GCNT2: variants seen among roughly 807,000 people sequenced by gnomAD.
The protein encoded by GCNT2 is N-acetyllactosaminide beta-1,6-N-acetylglucosaminyl-transferase.
GCNT2 carries 34 observed loss-of-function variants against 34.2 expected under a neutral mutation model. The ratio of observed to expected loss-of-function variants is 1.00; its 90% confidence interval spans 0.76 to 1.32. GCNT2 has a LOEUF of 1.32. GCNT2 is among the 40% of genes most tolerant of loss of function. GCNT2 has a pLI of 0.00. For synonymous variants in GCNT2, 212 were observed against 188.0 expected (o/e 1.13, Z -1.04); for missense variants, 584 against 489.4 (o/e 1.19, Z -1.82).
At chr6:10,572,402 G>A (rs920178365) in intron 3 of GCNT2, among the ~76,000 whole-genome samples, 4 of 152,142 alleles carry the variant, frequency 2.6e-5, no homozygotes, top group South Asian at 2.1e-4. Flanking sequence ...TGAGGAGAGA[G>A]TATAGAGTTT....
intron 1 of GCNT2, among the ~76,000 whole-genome samples, chr6:10,524,844 AAAG>A (rs1278464557): frequency 1.4e-5 from 2 of 139,034 alleles, no homozygotes; most frequent in African/African-American, 5.3e-5. Flanking sequence ...CCCCCAAAAA[AAAG>A]AAAAGGAAAG....
intron 3 of GCNT2, among the ~76,000 whole-genome samples, chr6:10,569,736 TCTAA>T (rs1256417030): frequency 6.6e-6 from 1 of 152,198 alleles, no homozygotes; most frequent in African/African-American, 2.4e-5. Context: ...TAACTGCTCT[TCTAA>T]CTAACCATTT....
rs532972840 is a variant in GCNT2, at chr6:10,627,716, C to G, written c.*1109C>G. On this transcript the variant is annotated 3_prime_UTR_variant, in exon 5 of 5. Coordinates refer to ENST00000495262, the MANE Select transcript of GCNT2 (RefSeq NM_145649.5). ...ATAAGAGCTTTTTCACTCTAAAAATCTTGGCAATAATGTCAACACCAGAAA... is the reference window on the plus strand; with the variant it reads ...ATAAGAGCTTTTTCACTCTAAAAATGTTGGCAATAATGTCAACACCAGAAA... 3 of 152,302 alleles carry G rather than the reference C, an allele frequency of 2.0e-5. No homozygotes were observed. In the South Asian group the frequency reaches 6.2e-4, roughly 32 times the overall value. The allele number at this position is 152,302 out of a possible 1,614,324, so 9.4% of individuals were successfully genotyped here.
At chr6:10,557,428 TAGA>T in intron 3 of GCNT2, 1 of 1,036,256 alleles carries the variant, frequency 9.7e-7, no homozygotes, top group Non-Finnish European at 1.5e-6. Context: ...TATTAGGAAG[TAGA>T]AGATGAAAAC....
At chr6:10,525,573 A>G (rs1398062097) in intron 1 of GCNT2, among the ~76,000 whole-genome samples, 1 of 152,226 alleles carries the variant, frequency 6.6e-6, no homozygotes, top group Non-Finnish European at 1.5e-5. Context: ...AGCGTGTCCC[A>G]TGTGCCTACC....
chr6:10,535,035 T>A (rs2113545700), intron 3 of GCNT2, among the ~76,000 whole-genome samples: 1 of 151,950 alleles, frequency 6.6e-6, no homozygotes, highest in African/African-American at 2.4e-5. Flanking sequence ...AATGCAAAAA[T>A]TAACCGGGTG....
chr6:10,585,619 G>A lies in GCNT2; in HGVS notation c.926-35732G>A, dbSNP rs146212533. 1,072 of 313,890 alleles carry A rather than the reference G, an allele frequency of 3.4e-3. 10 individuals are homozygous for A. The highest frequency in any genetic ancestry group is 0.02 in the African/African-American group (938 of 46,128). The allele number at this position is 313,890 out of a possible 1,614,324, so 19.4% of individuals were successfully genotyped here. ...GGTGAGGGTGAAGCAAGAGAAACTC[G>A]GCTCCAGTGAAAAGGACCCATCATT... On this transcript the variant is annotated intron_variant, in intron 3 of 4. Coordinates refer to ENST00000495262, the MANE Select transcript of GCNT2 (RefSeq NM_145649.5).
intron 3 of GCNT2, among the ~76,000 whole-genome samples, chr6:10,532,914 C>CT (rs67442555): frequency 0.029 from 2,456 of 85,434 alleles, 127 homozygotes; most frequent in African/African-American, 0.082. Context: ...GTGGTTTTTG[C>CT]TTTTTTTTTT....
Position 10,529,209 on chromosome 6 carries a change from A to G in GCNT2, c.298A>G (p.Thr100Ala), listed in dbSNP as rs958670281. Reference protein sequence around the residue: ...EEEAGFPLAYTVTIHKDFGTF... With the variant: ...EEEAGFPLAYAVTIHKDFGTF... ...AGAGGCTGGGTTCCCTTTAGCTTAC[A>G]CAGTGACCATCCACAAAGACTTCGG... Residue 100 changes from threonine to alanine, a missense_variant, in exon 3 of 5, where the codon ACA becomes GCA. Coordinates refer to ENST00000495262, the MANE Select transcript of GCNT2 (RefSeq NM_145649.5). 8.1e-6 allele frequency: 13 copies of G among 1,614,072 alleles called. No individual in the cohort carries two copies. The African/African-American group carries it at 1.6e-4, about 20-fold the overall frequency.
At chr6:10,556,111 C>T in intron 3 of GCNT2, 1 of 1,253,062 alleles carries the variant, frequency 8.0e-7, no homozygotes, top group Non-Finnish European at 1.0e-6. Context: ...AGAGAGTTAC[C>T]GGAGTTTTAG....
chr6:10,573,307 TAACAG>T (rs760082130), intron 3 of GCNT2: 16 of 982,574 alleles, frequency 1.6e-5, no homozygotes, highest in Non-Finnish European at 1.7e-5. Context: ...CCTTGAAACT[TAACAG>T]AATATAGTCA....
chr6:10,616,171 C>T (rs1020409082), intron 3 of GCNT2, among the ~76,000 whole-genome samples: 3 of 152,150 alleles, frequency 2.0e-5, no homozygotes, highest in African/African-American at 7.2e-5. Context: ...AGCTGTAGAC[C>T]TTTGCAGTGA....
At chr6:10,573,847 C>T (rs182928809) in intron 3 of GCNT2, among the ~76,000 whole-genome samples, 45 of 152,278 alleles carry the variant, frequency 3.0e-4, no homozygotes, top group Non-Finnish European at 5.9e-4. Flanking sequence ...TGAGACTGCC[C>T]GTGACAATGG....
At chr6:10,565,369 A>G (rs963248140) in intron 3 of GCNT2, among the ~76,000 whole-genome samples, 2 of 152,174 alleles carry the variant, frequency 1.3e-5, no homozygotes, top group Admixed American at 1.3e-4. Flanking sequence ...AAAAGGAGTC[A>G]AGCTGGTGGG....
chr6:10,609,168 A>G (rs1765447343), intron 3 of GCNT2, among the ~76,000 whole-genome samples: 1 of 152,132 alleles, frequency 6.6e-6, no homozygotes, highest in African/African-American at 2.4e-5. Context: ...CTGCTGTGTA[A>G]CAGAATCCCT....
At chr6:10,545,557 AT>A (rs1410601651) in intron 3 of GCNT2, among the ~76,000 whole-genome samples, 1 of 152,208 alleles carries the variant, frequency 6.6e-6, no homozygotes, top group African/African-American at 2.4e-5. Context: ...CGAACTTCAA[AT>A]TCCTATGATC....
intron 3 of GCNT2, among the ~76,000 whole-genome samples, chr6:10,600,267 AAG>A (rs1765036601): frequency 6.6e-6 from 1 of 152,226 alleles, no homozygotes; most frequent in Non-Finnish European, 1.5e-5. Flanking sequence ...TTTATGGGAA[AAG>A]AGTGCATATC....
intron 3 of GCNT2, among the ~76,000 whole-genome samples, chr6:10,544,966 AAATAAATAAATAAATG>A (rs1561789798): frequency 6.6e-6 from 1 of 151,930 alleles, no homozygotes; most frequent in Non-Finnish European, 1.5e-5. Flanking sequence ...ATAAATAAAT[AAATAAATAAATAAATG>A]AGGTGGTCAG....
chr6:10,579,812 T>G (rs1355422442), intron 3 of GCNT2, among the ~76,000 whole-genome samples: 1 of 105,224 alleles, frequency 9.5e-6, no homozygotes, highest in East Asian at 3.1e-4. Context: ...CGAGACTCCA[T>G]CTCAAAAAAC....
Sources: gnomAD v4.1 joint callset for allele counts (sites outside exome capture counted in the v4.1 genomes callset) on GRCh38, gnomAD v4.1.1 for gene constraint, MANE v1.5 for transcripts, NCBI Gene and HGNC (gene_info 2026-07-23, HGNC 2026-07-21) for gene names.